NBEA: variants seen among roughly 807,000 people sequenced by gnomAD.
NBEA encodes neurobeachin.
A neutral mutation model predicts 343.4 loss-of-function variants in NBEA; 44 were observed. That is an observed-to-expected ratio of 0.13 (90% CI 0.10 to 0.16). The LOEUF (loss-of-function observed/expected upper bound fraction) is 0.16. Among genes scored for constraint, NBEA ranks in the 10% least tolerant of loss-of-function variants. The pLI is 1.00. For synonymous variants in NBEA, 1,175 were observed against 1,238.7 expected, an observed-to-expected ratio of 0.95 and a Z score of 1.08; for missense variants, 2,555 against 3,631.3, an observed-to-expected ratio of 0.70 and a Z score of 7.62.
chr13:35,185,280 T>A (rs2071613535), intron 30 of NBEA: 2 of 152,282 alleles, frequency 1.3e-5, no homozygotes, highest in South Asian at 2.1e-4. Context: ...GAATGAGTTT[T>A]GAAGAGGACC....
chr13:35,453,337 A>G (rs9544394), intron 40 of NBEA, among the ~76,000 whole-genome samples: 22,111 of 152,204 alleles, frequency 0.15, 1,894 homozygotes, highest in East Asian at 0.32. Flanking sequence ...ACATTTCTGT[A>G]TTATAAAAAC....
chr13:34,998,220 A>G (rs1189612013), intron 1 of NBEA, among the ~76,000 whole-genome samples: 4 of 152,124 alleles, frequency 2.6e-5, no homozygotes, highest in Admixed American at 6.6e-5. Context: ...GGAGTGTACA[A>G]ATAGGGTGTG....
chr13:35,337,130 T>C lies in NBEA; in HGVS notation c.5904-11978T>C, dbSNP rs116707390. On this transcript the variant is annotated intron_variant, in intron 36 of 58. Transcript: ENST00000379939. ...ATAAATAAGACATATTGAAAACAAA[T>C]AGAAAAATGGCAGAAGTCCTTTCTT... is the stretch of plus-strand genomic sequence containing the variant. Among the ~76,000 whole-genome samples, 524 of 152,008 alleles carry C rather than the reference T, an allele frequency of 3.4e-3. 2 individuals are homozygous for C. Among genetic ancestry groups the C allele is most frequent in the African/African-American group, 0.012 (483 of 41,508 alleles).
At chr13:35,670,684 G>A (rs2085579736) in intron 58 of NBEA, among the ~76,000 whole-genome samples, 1 of 152,220 alleles carries the variant, frequency 6.6e-6, no homozygotes, top group South Asian at 2.1e-4. Flanking sequence ...AGCAGGGCTG[G>A]CTGTCCAGGT....
At chr13:35,446,506 G>C (rs1403619002) in intron 39 of NBEA, among the ~76,000 whole-genome samples, 1 of 152,128 alleles carries the variant, frequency 6.6e-6, no homozygotes, top group African/African-American at 2.4e-5. Flanking sequence ...ATGTTATACA[G>C]AGATGGAAAT....
At chr13:35,540,800 A>G (rs950272731) in intron 41 of NBEA, among the ~76,000 whole-genome samples, 3 of 152,240 alleles carry the variant, frequency 2.0e-5, no homozygotes, top group Admixed American at 6.5e-5. Context: ...AGATAGATCA[A>G]TTTAAAAGGA....
chr13:35,264,878 T>A (rs969739133), intron 34 of NBEA, among the ~76,000 whole-genome samples: 1 of 151,666 alleles, frequency 6.6e-6, no homozygotes, highest in Non-Finnish European at 1.5e-5. Context: ...GTAGTAGAAG[T>A]CCTGGACAGA....
chr13:35,467,420 A>T (rs2075432974), intron 40 of NBEA, among the ~76,000 whole-genome samples: 1 of 152,004 alleles, frequency 6.6e-6, no homozygotes, highest in African/African-American at 2.4e-5. Flanking sequence ...GCAGTGAGCC[A>T]GAGATCATGC....
At chr13:35,551,306 C>T (rs910246937) in intron 43 of NBEA, among the ~76,000 whole-genome samples, 1 of 152,046 alleles carries the variant, frequency 6.6e-6, no homozygotes, top group African/African-American at 2.4e-5. Context: ...GACATTCTTG[C>T]TTGTTAAAAT....
intron 17 of NBEA, among the ~76,000 whole-genome samples, chr13:35,129,797 G>A (rs777782910): frequency 6.6e-6 from 1 of 152,054 alleles, no homozygotes; most frequent in Non-Finnish European, 1.5e-5. Context: ...AAATTAGTAT[G>A]AAATCTTACC....
intron 30 of NBEA, among the ~76,000 whole-genome samples, chr13:35,195,144 C>T (rs1312323700): frequency 6.6e-6 from 1 of 151,948 alleles, no homozygotes; most frequent in African/African-American, 2.4e-5. Flanking sequence ...ATAAAAATGA[C>T]TTTATATTTT....
intron 33 of NBEA, among the ~76,000 whole-genome samples, chr13:35,223,056 C>T (rs1481875714): frequency 2.6e-5 from 4 of 152,154 alleles, no homozygotes; most frequent in African/African-American, 2.4e-5. Flanking sequence ...ACTTAGAACC[C>T]GGGAGGCAGA....
chr13:35,143,015 A>ATAAC (rs2068180538), intron 18 of NBEA, among the ~76,000 whole-genome samples: 1 of 152,198 alleles, frequency 6.6e-6, no homozygotes, highest in Non-Finnish European at 1.5e-5. Context: ...CTGCTTTCCT[A>ATAAC]TAACTGATCT....
intron 43 of NBEA, among the ~76,000 whole-genome samples, chr13:35,554,521 G>A (rs574275932): frequency 3.3e-5 from 5 of 152,246 alleles, no homozygotes; most frequent in South Asian, 2.1e-4. Context: ...GATATTGTAC[G>A]GGCAGAGGCT....
At chr13:35,520,370 A>G (rs2077654760) in intron 41 of NBEA, among the ~76,000 whole-genome samples, 1 of 152,210 alleles carries the variant, frequency 6.6e-6, no homozygotes, top group African/African-American at 2.4e-5. Flanking sequence ...ACCATGTATA[A>G]TAATACTTCA....
chr13:35,432,450 GT>G, intron 39 of NBEA, 57 bp downstream of exon 39: 1 of 1,431,168 alleles, frequency 7.0e-7, no homozygotes, highest in Non-Finnish European at 9.3e-7. Context: ...GACTCCTTGT[GT>G]TTGAGAATTC....
At chr13:35,298,207 GTGTGTATATATA>G (rs1226214514) in intron 35 of NBEA, among the ~76,000 whole-genome samples, 751 of 16,104 alleles carry the variant, frequency 0.047, 5 homozygotes, top group Admixed American at 0.12. Flanking sequence ...GTGTGTGTGT[GTGTGTATATATA>G]TATATATATA....
chr13:35,352,695 A>G (rs1485671361), intron 38 of NBEA, among the ~76,000 whole-genome samples: 2 of 152,090 alleles, frequency 1.3e-5, no homozygotes, highest in East Asian at 3.9e-4. Context: ...TTAAATTTAT[A>G]TCATTCTTTT....
chr13:35,666,720 A>AT (rs1187938682), intron 56 of NBEA, among the ~76,000 whole-genome samples: 1 of 152,168 alleles, frequency 6.6e-6, no homozygotes, highest in Non-Finnish European at 1.5e-5. Flanking sequence ...TGATCAGTGA[A>AT]TTTTTTACTT....
Sources: gnomAD v4.1 joint callset for allele counts (sites outside exome capture counted in the v4.1 genomes callset) on GRCh38, gnomAD v4.1.1 for gene constraint, MANE v1.5 for transcripts, NCBI Gene and HGNC (gene_info 2026-07-23, HGNC 2026-07-21) for gene names.